The following MLLT10 variants were observed in gnomAD, a reference collection of about 807,000 sequenced individuals.
The protein encoded by MLLT10 is protein AF-10.
In MLLT10, 30 loss-of-function variants were observed where a neutral mutation model predicts 129.1. The ratio of observed to expected loss-of-function variants is 0.23; its 90% CI spans 0.17 to 0.32. The LOEUF (loss-of-function observed/expected upper bound fraction) is 0.32. MLLT10 is among the 10% of genes least tolerant of loss of function. The probability of loss-of-function intolerance (pLI) is 1.00; values close to 1 mark genes in which losing one functional copy is unlikely to be tolerated. For synonymous variants in MLLT10, 490 were observed against 446.4 expected, an observed-to-expected ratio of 1.10 and a Z score of -1.23; for missense variants, 1,119 against 1,268.3, an observed-to-expected ratio of 0.88 and a Z score of 1.79.
At chr10:21,717,751 C>T (rs1189871177) in intron 14 of MLLT10, among the ~76,000 whole-genome samples, 2 of 141,470 alleles carry the variant, frequency 1.4e-5, no homozygotes, top group Non-Finnish European at 3.1e-5. Context: ...TCCTCCTCTT[C>T]CTCCTCCTCC....
chr10:21,728,616 A>G (rs10828264), intron 16 of MLLT10, among the ~76,000 whole-genome samples: 113,938 of 151,966 alleles, frequency 0.75, 43,968 homozygotes, highest in East Asian at 0.99. Context: ...TGTTTTCTCC[A>G]TGTTCTCTAA....
intron 9 of MLLT10, 135 bp downstream of exon 9, chr10:21,651,903 CTTTTTTTTTTTTTT>C (rs775460288): frequency 9.7e-5 from 13 of 133,736 alleles, no homozygotes; most frequent in African/African-American, 2.0e-4. Flanking sequence ...ATTCTCATTT[CTTTTTTTTTTTTTT>C]TTTTTTTTTT....
At chr10:21,735,511 C>A (rs2058291598) in intron 21 of MLLT10, among the ~76,000 whole-genome samples, 1 of 151,964 alleles carries the variant, frequency 6.6e-6, no homozygotes, top group South Asian at 2.1e-4. Context: ...CATTTTGATA[C>A]GGGAGATGGA....
chr10:21,567,778 G>C (rs1364116356), intron 3 of MLLT10, among the ~76,000 whole-genome samples: 8 of 151,114 alleles, frequency 5.3e-5, no homozygotes, highest in African/African-American at 1.7e-4. Flanking sequence ...CCACTTTACT[G>C]GTAATCTGGT....
intron 3 of MLLT10, among the ~76,000 whole-genome samples, chr10:21,579,709 T>G (rs1256255606): frequency 1.3e-5 from 2 of 151,232 alleles, no homozygotes; most frequent in Admixed American, 6.6e-5. Context: ...ACTACAGGTG[T>G]GTGCCACCAC....
intron 4 of MLLT10, 48 bp downstream of exon 4, chr10:21,586,396 G>A (rs367750602): frequency 2.3e-6 from 3 of 1,286,192 alleles, no homozygotes; most frequent in Non-Finnish European, 3.3e-6. Context: ...AACTGGGACA[G>A]TGGAGTATTT....
At chr10:21,588,160 G>A (rs528794895) in intron 4 of MLLT10, among the ~76,000 whole-genome samples, 23 of 151,898 alleles carry the variant, frequency 1.5e-4, no homozygotes, top group Admixed American at 3.3e-4. Context: ...TCCACCTTCC[G>A]GGCTCAAGCG....
At chr10:21,612,530 A>T (rs2044755417) in intron 6 of MLLT10, 79 bp downstream of exon 6, 1 of 748,652 alleles carries the variant, frequency 1.3e-6, no homozygotes, top group East Asian at 2.8e-5. Flanking sequence ...AGACTTAGAT[A>T]CTCAAACATT....
intron 8 of MLLT10, among the ~76,000 whole-genome samples, chr10:21,634,960 C>G (rs1374502477): frequency 6.6e-6 from 1 of 152,146 alleles, no homozygotes; most frequent in Non-Finnish European, 1.5e-5. Flanking sequence ...GTCTTCTTTT[C>G]TGCCCCAGAC....
intron 9 of MLLT10, among the ~76,000 whole-genome samples, chr10:21,655,832 G>T (rs555683174): frequency 2.6e-5 from 4 of 152,246 alleles, no homozygotes; most frequent in Admixed American, 2.6e-4. Flanking sequence ...CTAAGTTTTT[G>T]TTGGAACAAG....
intron 13 of MLLT10, among the ~76,000 whole-genome samples, chr10:21,700,234 T>C (rs887427520): frequency 6.6e-6 from 1 of 152,168 alleles, no homozygotes; most frequent in African/African-American, 2.4e-5. Flanking sequence ...TCCTCCAAAT[T>C]TACTGAATTT....
intron 8 of MLLT10, among the ~76,000 whole-genome samples, chr10:21,624,326 G>C (rs971239566): frequency 2.6e-5 from 4 of 152,078 alleles, no homozygotes; most frequent in African/African-American, 9.7e-5. Context: ...AGCTTGTTTT[G>C]AAGCTAAAAT....
intron 20 of MLLT10, among the ~76,000 whole-genome samples, chr10:21,734,720 GT>G (rs893941069): frequency 2.6e-5 from 4 of 152,182 alleles, no homozygotes; most frequent in African/African-American, 9.6e-5. Context: ...TTGGTGTTTA[GT>G]TTTACCATTG....
chr10:21,604,666 G>T (rs1234467586), intron 5 of MLLT10, among the ~76,000 whole-genome samples: 1 of 152,082 alleles, frequency 6.6e-6, no homozygotes, highest in Non-Finnish European at 1.5e-5. Flanking sequence ...TGCAATGGTG[G>T]GACAGGTGAA....
chr10:21,565,820 G>T (rs1298448039), intron 3 of MLLT10, among the ~76,000 whole-genome samples: 1 of 151,158 alleles, frequency 6.6e-6, no homozygotes, highest in African/African-American at 2.4e-5. Flanking sequence ...TGCCCAGCCT[G>T]GTCTCGAACT....
intron 5 of MLLT10, among the ~76,000 whole-genome samples, chr10:21,607,218 C>G (rs1435817452): frequency 6.6e-6 from 1 of 152,018 alleles, no homozygotes. Flanking sequence ...CTGTAAAGCT[C>G]CATTGCCCTC....
chr10:21,685,727 T>C (rs2053233362), intron 13 of MLLT10, among the ~76,000 whole-genome samples: 1 of 152,206 alleles, frequency 6.6e-6, no homozygotes, highest in Non-Finnish European at 1.5e-5. Flanking sequence ...TCTATTACTT[T>C]AGCAAAGAAC....
intron 3 of MLLT10, among the ~76,000 whole-genome samples, chr10:21,539,577 C>T (rs2034723169): frequency 6.6e-6 from 1 of 151,414 alleles, no homozygotes; most frequent in Non-Finnish European, 1.5e-5. Flanking sequence ...ATGGAGACCA[C>T]CCTGGCCAAC....
At chr10:21,579,478 T>C (rs1436573594) in intron 3 of MLLT10, among the ~76,000 whole-genome samples, 1 of 152,018 alleles carries the variant, frequency 6.6e-6, no homozygotes, top group Non-Finnish European at 1.5e-5. Flanking sequence ...ATGTGAGACC[T>C]TTTGGTACTG....
Sources: allele counts gnomAD v4.1 joint callset (sites outside exome capture counted in the v4.1 genomes callset), GRCh38; gene constraint gnomAD v4.1.1; transcripts MANE v1.5; gene names NCBI Gene and HGNC (gene_info 2026-07-23, HGNC 2026-07-21).